The following TRAF3IP1 variants were observed in gnomAD, a reference collection of about 807,000 sequenced individuals.
TRAF3IP1 encodes the protein TRAF3-interacting protein 1.
A neutral mutation model predicts 89.9 loss-of-function variants in TRAF3IP1; 53 were observed. The observed-to-expected ratio is 0.59, with a 90% CI of 0.47 to 0.74. The LOEUF (loss-of-function observed/expected upper bound fraction) is 0.74, where lower values mean the gene tolerates loss of function less well. Ranked by LOEUF, TRAF3IP1 falls within the 30% of genes least tolerant of loss-of-function variation. The pLI is 0.00. For synonymous variants in TRAF3IP1, 311 were observed against 322.1 expected, an observed-to-expected ratio of 0.97 and a Z score of 0.37; for missense variants, 806 against 866.1, an observed-to-expected ratio of 0.93 and a Z score of 0.87.
At chr2:238,367,683 A>G (rs1053293675) in intron 15 of TRAF3IP1, among the ~76,000 whole-genome samples, 5 of 152,018 alleles carry the variant, frequency 3.3e-5, no homozygotes, top group Non-Finnish European at 7.4e-5. Context: ...CTTCCCACGC[A>G]TGGCCTCCTG....
chr2:238,378,093 T>C (rs1210586841), intron 15 of TRAF3IP1, among the ~76,000 whole-genome samples: 1 of 152,126 alleles, frequency 6.6e-6, no homozygotes, highest in African/African-American at 2.4e-5. Context: ...TTAAATATAT[T>C]TTTCCAGAAA....
chr2:238,333,459 G>A (rs763915248), intron 6 of TRAF3IP1, among the ~76,000 whole-genome samples: 4 of 152,182 alleles, frequency 2.6e-5, no homozygotes, highest in African/African-American at 4.8e-5. Flanking sequence ...GAGGTTGCAG[G>A]GAGATGGGTT....
At chr2:238,320,996 C>T (rs1486895932) in intron 1 of TRAF3IP1, among the ~76,000 whole-genome samples, 1 of 148,804 alleles carries the variant, frequency 6.7e-6, no homozygotes, top group Non-Finnish European at 1.5e-5. Flanking sequence ...TGTTCAGGGC[C>T]GGGTGTGGGC....
intron 1 of TRAF3IP1, among the ~76,000 whole-genome samples, chr2:238,321,628 G>T (rs1256937391): frequency 6.6e-6 from 1 of 152,198 alleles, no homozygotes; most frequent in Non-Finnish European, 1.5e-5. Flanking sequence ...AAGGTACATA[G>T]AAATTGCACA....
At chr2:238,368,737 C>A (rs896068669) in intron 15 of TRAF3IP1, among the ~76,000 whole-genome samples, 6 of 152,094 alleles carry the variant, frequency 3.9e-5, no homozygotes, top group Admixed American at 2.0e-4. Flanking sequence ...ATGGCGTGAT[C>A]TCGGCTCACT....
chr2:238,324,104 G>A (rs1019154203), intron 1 of TRAF3IP1, among the ~76,000 whole-genome samples: 11 of 151,950 alleles, frequency 7.2e-5, no homozygotes, highest in South Asian at 2.1e-4. Context: ...GTCTCACTGC[G>A]TTGCCCAGGC....
intron 15 of TRAF3IP1, among the ~76,000 whole-genome samples, chr2:238,377,494 T>A (rs923593050): frequency 3.3e-5 from 5 of 152,182 alleles, no homozygotes; most frequent in African/African-American, 1.2e-4. Context: ...TTCTATTATA[T>A]TCCTTAATTC....
At chr2:238,392,242 G>A (rs774460378) in intron 15 of TRAF3IP1, among the ~76,000 whole-genome samples, 1 of 152,152 alleles carries the variant, frequency 6.6e-6, no homozygotes, top group Non-Finnish European at 1.5e-5. Flanking sequence ...GAGATATACT[G>A]TATGCCTTTT....
At chr2:238,392,787 G>A (rs762490830) in intron 15 of TRAF3IP1, among the ~76,000 whole-genome samples, 1 of 152,138 alleles carries the variant, frequency 6.6e-6, no homozygotes, top group Admixed American at 6.5e-5. Flanking sequence ...TGTTGGTCAG[G>A]CTGGTCTCGA....
chr2:238,363,243 G>C (rs1699735923), intron 15 of TRAF3IP1, among the ~76,000 whole-genome samples: 1 of 152,036 alleles, frequency 6.6e-6, no homozygotes, highest in Admixed American at 6.6e-5. Context: ...CTAGTCTCTT[G>C]AATAAAGCAC....
intron 9 of TRAF3IP1, 45 bp from the exon 10 acceptor site, chr2:238,347,409 AG>A: frequency 6.2e-7 from 1 of 1,607,884 alleles, no homozygotes; most frequent in Non-Finnish European, 8.5e-7. Context: ...TAATGTATTG[AG>A]GTTGACTACA....
chr2:238,381,863 G>A (rs921960407), intron 15 of TRAF3IP1, among the ~76,000 whole-genome samples: 56 of 152,132 alleles, frequency 3.7e-4, no homozygotes, highest in African/African-American at 1.3e-3. Flanking sequence ...ATGATTAAGC[G>A]AAAAGCAAAA....
In TRAF3IP1 at chr2:238,355,984, A is replaced by T. The variant is rs1463618420; in HGVS notation, c.1613-20A>T. On this transcript the variant is annotated intron_variant, in intron 14 of 16. Coordinates refer to ENST00000373327, the MANE Select transcript of TRAF3IP1 (RefSeq NM_015650.4). ...GATAGAGAATAAACTTTTAACATAAAATCACTGATTTTTCAACAGGTGGAC... is the reference window on the plus strand; with the variant it reads ...GATAGAGAATAAACTTTTAACATAATATCACTGATTTTTCAACAGGTGGAC... The T allele has an allele frequency of 4.4e-6, 7 of 1,600,812 alleles. No individual in the cohort carries two copies. The highest frequency in any genetic ancestry group is 3.3e-5 in the South Asian group (3 of 90,432).
At chr2:238,355,975 T>C (rs779015827) in intron 14 of TRAF3IP1, 29 bp from the exon 15 acceptor site, 9 of 1,577,582 alleles carry the variant, frequency 5.7e-6, no homozygotes, top group Non-Finnish European at 7.8e-6. Flanking sequence ...GAATAAACTT[T>C]TAACATAAAA....
At chr2:238,376,807 C>T (rs948031932) in intron 15 of TRAF3IP1, among the ~76,000 whole-genome samples, 3 of 152,164 alleles carry the variant, frequency 2.0e-5, no homozygotes, top group Non-Finnish European at 4.4e-5. Context: ...TTGCTTTAAA[C>T]GTGTCTGTTG....
chr2:238,372,479 G>A (rs893794432), intron 15 of TRAF3IP1, among the ~76,000 whole-genome samples: 2 of 152,150 alleles, frequency 1.3e-5, no homozygotes, highest in Non-Finnish European at 2.9e-5. Flanking sequence ...TTTTATAGCT[G>A]CATAGTATTC....
chr2:238,355,219 T>C (rs189933204), intron 14 of TRAF3IP1, among the ~76,000 whole-genome samples: 1 of 152,296 alleles, frequency 6.6e-6, no homozygotes, highest in African/African-American at 2.4e-5. Flanking sequence ...TTGACCCGTC[T>C]TCTCTACCCT....
At chr2:238,384,340 G>GGA (rs750987211) in intron 15 of TRAF3IP1, among the ~76,000 whole-genome samples, 1,366 of 118,616 alleles carry the variant, frequency 0.012, 19 homozygotes, top group East Asian at 0.044. Context: ...TCAACCTGAT[G>GGA]TATGTATGTA....
At chr2:238,361,227 TG>T (rs1484924953) in intron 15 of TRAF3IP1, among the ~76,000 whole-genome samples, 1 of 151,784 alleles carries the variant, frequency 6.6e-6, no homozygotes, top group Non-Finnish European at 1.5e-5. Flanking sequence ...TTGTATTTTT[TG>T]TAGGGGGGTT....
Sources: gnomAD v4.1 joint callset for allele counts (sites outside exome capture counted in the v4.1 genomes callset) on GRCh38, gnomAD v4.1.1 for gene constraint, MANE v1.5 for transcripts, NCBI Gene and HGNC (gene_info 2026-07-23, HGNC 2026-07-21) for gene names.